Variants in EFCAB8 observed in about 807,000 individuals in gnomAD.
EFCAB8 encodes EF-hand calcium binding domain 8, also known as EF-hand calcium-binding domain-containing protein 8.
Under a neutral mutation model 116.3 loss-of-function variants are expected in EFCAB8, and 100 were observed. That is an observed-to-expected ratio of 0.86 (90% confidence interval 0.73 to 1.02). EFCAB8 has a LOEUF of 1.02. Ranked by LOEUF, EFCAB8 falls within the 50% of genes least tolerant of loss-of-function variation. EFCAB8 has a pLI of 0.00. For synonymous variants in EFCAB8, 558 were observed against 567.9 expected (o/e 0.98, Z 0.25); for missense variants, 1,320 against 1,416.9 (o/e 0.93, Z 1.10).
intron 7 of EFCAB8, among the ~76,000 whole-genome samples, chr20:32,890,788 C>T (rs1244743218): frequency 1.3e-5 from 2 of 152,246 alleles, no homozygotes; most frequent in Non-Finnish European, 2.9e-5. Context: ...ATTGCTTTAC[C>T]TCCCAGTGCC....
chr20:32,925,301 C>T (rs1032568576), intron 20 of EFCAB8, among the ~76,000 whole-genome samples: 5 of 152,134 alleles, frequency 3.3e-5, no homozygotes, highest in African/African-American at 1.2e-4. Flanking sequence ...CTCACTGCCA[C>T]CTCTGTCTCC....
intron 16 of EFCAB8, among the ~76,000 whole-genome samples, chr20:32,912,444 AAG>A (rs1491011153): frequency 9.9e-5 from 7 of 70,966 alleles, no homozygotes; most frequent in South Asian, 4.9e-4. Context: ...AAAAAAAAAA[AAG>A]AAGAAGAAGA....
In EFCAB8 at chr20:32,961,502, G is replaced by T. The variant is rs1196480804; in HGVS notation, c.3760G>T (p.Gly1254Trp). 5 of 1,441,018 alleles carry T rather than the reference G, an allele frequency of 3.5e-6. No individual in the cohort carries two copies. In the South Asian group the frequency reaches 7.7e-5, roughly 22 times the overall value. The allele number at this position is 1,441,018 out of a possible 1,614,324, so 89.3% of individuals were successfully genotyped here. A position where few individuals can be genotyped will look rare whatever the true frequency, so the allele number is the denominator to read the frequency against. The change falls in exon 27 of 27, where the codon GGG (glycine) becomes TGG (tryptophan). Residue 1254 changes from glycine (G) to tryptophan (W), a missense_variant. Transcript: ENST00000400522. Reference sequence around the variant, plus strand: ...CCCGGTGTCCAAGTCCACCCTGCAGGGGTCAGTGACCCCCAAGCACATTGT... The same window carrying T: ...CCCGGTGTCCAAGTCCACCCTGCAGTGGTCAGTGACCCCCAAGCACATTGT... ...PSPVSKSTLQ[G>W]SVTPKHIVSS... is the part of the protein sequence containing the mutation.
chr20:32,875,880 G>A (rs1448395999), intron 3 of EFCAB8, 46 bp from the exon 4 acceptor site: 30 of 1,522,416 alleles, frequency 2.0e-5, no homozygotes, highest in Non-Finnish European at 2.6e-5. Context: ...GATGGGCCGA[G>A]GGACTTGTGA....
chr20:32,882,718 C>CA (rs1902246909), intron 5 of EFCAB8, among the ~76,000 whole-genome samples: 1 of 151,852 alleles, frequency 6.6e-6, no homozygotes. Context: ...TGTTTTGAGA[C>CA]AGAGCCTTGC....
intron 10 of EFCAB8, 166 bp from the exon 11 acceptor site, chr20:32,898,327 T>C: frequency 1.8e-6 from 1 of 564,296 alleles, no homozygotes. Context: ...TCATAGGACC[T>C]GGGCTAGGAT....
intron 19 of EFCAB8, 63 bp downstream of exon 19, chr20:32,918,637 G>T: frequency 2.8e-6 from 4 of 1,444,658 alleles, no homozygotes; most frequent in Non-Finnish European, 3.8e-6. Context: ...TTCACACACC[G>T]TCTGTGTGTG....
intron 3 of EFCAB8, among the ~76,000 whole-genome samples, chr20:32,875,623 G>A (rs1323040074): frequency 1.3e-5 from 2 of 150,666 alleles, no homozygotes; most frequent in Non-Finnish European, 3.0e-5. Context: ...TCCTGCCTCA[G>A]CCTCCCAAGT....
chr20:32,902,982 A>G (rs933426926), intron 11 of EFCAB8, among the ~76,000 whole-genome samples: 3 of 152,132 alleles, frequency 2.0e-5, no homozygotes, highest in Non-Finnish European at 4.4e-5. Flanking sequence ...AGTTGAAGCC[A>G]CCGTCATCTC....
intron 14 of EFCAB8, among the ~76,000 whole-genome samples, chr20:32,909,427 CTATGTGTTATGG>C (rs1195817793): frequency 6.6e-6 from 1 of 152,180 alleles, no homozygotes; most frequent in African/African-American, 2.4e-5. Flanking sequence ...GTAGAAAGTG[CTATGTGTTATGG>C]TAGAGTTGTG....
chr20:32,879,903 T>A (rs1163034186), intron 5 of EFCAB8, among the ~76,000 whole-genome samples: 1 of 152,280 alleles, frequency 6.6e-6, no homozygotes, highest in East Asian at 1.9e-4. Flanking sequence ...ACCTCTTCTG[T>A]CTGTGCCAGG....
chr20:32,929,504 T>TG (rs1987810894), intron 20 of EFCAB8, among the ~76,000 whole-genome samples: 1 of 142,758 alleles, frequency 7.0e-6, no homozygotes, highest in Non-Finnish European at 1.5e-5. Flanking sequence ...TCCCTTCTGT[T>TG]TTTTTTTTTT....
chr20:32,898,780 G>A (rs950947741), intron 11 of EFCAB8, among the ~76,000 whole-genome samples, 157 bp downstream of exon 11: 3 of 152,194 alleles, frequency 2.0e-5, no homozygotes, highest in African/African-American at 7.2e-5. Context: ...TGAGAACACA[G>A]CAGCCTCTTT....
At chr20:32,875,651 C>T (rs1984932402) in intron 3 of EFCAB8, among the ~76,000 whole-genome samples, 1 of 151,546 alleles carries the variant, frequency 6.6e-6, no homozygotes, top group Admixed American at 6.6e-5. Context: ...ATTGCAGGTA[C>T]CCACCACTGT....
At chr20:32,934,961 T>C (rs138868032) in intron 22 of EFCAB8, among the ~76,000 whole-genome samples, 52 of 152,264 alleles carry the variant, frequency 3.4e-4, no homozygotes, top group African/African-American at 1.2e-3. Context: ...AAGGGTTTTC[T>C]TTTTTCTGCC....
chr20:32,863,052 C>T (rs1984196343), intron 1 of EFCAB8, among the ~76,000 whole-genome samples: 1 of 151,806 alleles, frequency 6.6e-6, no homozygotes, highest in African/African-American at 2.4e-5. Context: ...CCTCCCTCCC[C>T]TCTGCCTCCA....
At chr20:32,961,017 A>G in intron 26 of EFCAB8, 119 bp from the exon 27 acceptor site, 1 of 849,852 alleles carries the variant, frequency 1.2e-6, no homozygotes, top group Non-Finnish European at 1.9e-6. Flanking sequence ...CTCTGGACAC[A>G]CGCCTTCTTG....
intron 7 of EFCAB8, among the ~76,000 whole-genome samples, chr20:32,889,734 G>A (rs1478476374): frequency 3.9e-5 from 6 of 152,034 alleles, no homozygotes; most frequent in Admixed American, 3.9e-4. Context: ...GGGTGTGGTG[G>A]CTCACTCCTG....
chr20:32,897,383 G>T (rs1986212158), intron 10 of EFCAB8, among the ~76,000 whole-genome samples: 1 of 151,522 alleles, frequency 6.6e-6, no homozygotes, highest in African/African-American at 2.4e-5. Flanking sequence ...CTGCACAAAT[G>T]AATGAATGAA....
Sources: allele counts gnomAD v4.1 joint callset (sites outside exome capture counted in the v4.1 genomes callset), GRCh38; gene constraint gnomAD v4.1.1; transcripts MANE v1.5; gene names NCBI Gene and HGNC (gene_info 2026-07-23, HGNC 2026-07-21).